The following SPATA13 variants were observed in gnomAD, a reference collection of about 807,000 sequenced individuals.
SPATA13 encodes the protein spermatogenesis associated 13.
SPATA13 carries 50 observed loss-of-function variants against 104.0 expected under a neutral mutation model. The observed-to-expected ratio is 0.48, with a 90% confidence interval of 0.38 to 0.61. SPATA13 has a LOEUF of 0.61. Among genes scored for constraint, SPATA13 ranks in the 20% least tolerant of loss-of-function variants. SPATA13 has a pLI of 0.00. For missense variants in SPATA13, 1,524 were observed against 1,690.6 expected, an observed-to-expected ratio of 0.90 and a Z score of 1.73; for synonymous variants, 606 against 667.5, an observed-to-expected ratio of 0.91 and a Z score of 1.42.
At chr13:24,096,470 G>C (rs987986978) in intron 3 of SPATA13, among the ~76,000 whole-genome samples, 2 of 152,004 alleles carry the variant, frequency 1.3e-5, no homozygotes, top group African/African-American at 4.8e-5. Flanking sequence ...GTGGTGGCAG[G>C]CACCTGTAAT....
chr13:24,283,698 T>C (rs534092665), intron 4 of SPATA13, among the ~76,000 whole-genome samples: 1 of 152,366 alleles, frequency 6.6e-6, no homozygotes, highest in East Asian at 1.9e-4. Flanking sequence ...ACTGTTGGGA[T>C]GTACTGGTTT....
chr13:24,148,247 A>C (rs969484451), intron 3 of SPATA13, among the ~76,000 whole-genome samples: 3 of 152,122 alleles, frequency 2.0e-5, no homozygotes, highest in Non-Finnish European at 4.4e-5. Context: ...TACGATCGTT[A>C]CTATTGTTAG....
chr13:24,077,262 C>CAAAAAAAAAAAAAAAAAAAAAAAAA (rs60810328), intron 3 of SPATA13, among the ~76,000 whole-genome samples: 1 of 73,038 alleles, frequency 1.4e-5, no homozygotes, highest in Non-Finnish European at 2.5e-5. Context: ...GACTCCATGT[C>CAAAAAAAAAAAAAAAAAAAAAAAAA]AAAAAAAAAA....
chr13:23,994,270 T>G (rs951727976), intron 2 of SPATA13, among the ~76,000 whole-genome samples: 1 of 152,190 alleles, frequency 6.6e-6, no homozygotes, highest in Admixed American at 6.5e-5. Flanking sequence ...AGATATTGTG[T>G]AGGGTCATGT....
intron 3 of SPATA13, among the ~76,000 whole-genome samples, chr13:24,112,649 T>C (rs1431559025): frequency 6.6e-6 from 1 of 152,054 alleles, no homozygotes; most frequent in Non-Finnish European, 1.5e-5. Flanking sequence ...ATTACAGCTG[T>C]TTGTTTGTTA....
chr13:24,070,395 A>T (rs563104698), intron 3 of SPATA13, among the ~76,000 whole-genome samples: 2 of 152,176 alleles, frequency 1.3e-5, no homozygotes, highest in South Asian at 4.2e-4. Flanking sequence ...TGGCCCCCCA[A>T]TTGAAAGGAA....
chr13:24,060,164 C>T (rs994566749), intron 3 of SPATA13, among the ~76,000 whole-genome samples: 1 of 152,202 alleles, frequency 6.6e-6, no homozygotes, highest in African/African-American at 2.4e-5. Flanking sequence ...ATCATATTAC[C>T]TGACTTAAAA....
chr13:24,293,196 C>CT (rs1455397308), intron 9 of SPATA13, among the ~76,000 whole-genome samples: 2 of 148,500 alleles, frequency 1.3e-5, no homozygotes, highest in Non-Finnish European at 3.0e-5. Context: ...ATATTTTTTT[C>CT]TTTTTCTGAT....
intron 3 of SPATA13, among the ~76,000 whole-genome samples, chr13:24,068,956 G>T (rs1566091852): frequency 6.6e-6 from 1 of 152,200 alleles, no homozygotes; most frequent in East Asian, 1.9e-4. Context: ...CATTCCGTAG[G>T]TTGTTTGTTC....
At chr13:24,242,671 A>G (rs1311948049) in intron 2 of SPATA13, among the ~76,000 whole-genome samples, 1 of 152,222 alleles carries the variant, frequency 6.6e-6, no homozygotes, top group African/African-American at 2.4e-5. Context: ...TAAGATTTGT[A>G]AGTGAATGTA....
At chr13:24,297,819 C>T in intron 11 of SPATA13, 84 bp downstream of exon 11, 1 of 1,467,954 alleles carries the variant, frequency 6.8e-7, no homozygotes, top group South Asian at 1.4e-5. Context: ...CCTGCTCTGC[C>T]CAGCCTTCTC....
chr13:24,297,436 A>G lies in SPATA13; in HGVS notation c.3284A>G (p.Lys1095Arg), dbSNP rs2138767753. 1 of 1,614,192 alleles carries G rather than the reference A, an allele frequency of 6.2e-7. No homozygotes were observed. The highest frequency in any genetic ancestry group is 8.5e-7 in the Non-Finnish European group (1 of 1,180,036). Reference protein sequence around the residue: ...GELTKITKQGKSQQRTFFLFD... With the variant: ...GELTKITKQGRSQQRTFFLFD... Reference sequence around the variant, plus strand: ...CTGACCAAAATCACTAAGCAAGGCAAAAGCCAGCAGCGGACGTTCTTCCTG... The same window carrying G: ...CTGACCAAAATCACTAAGCAAGGCAGAAGCCAGCAGCGGACGTTCTTCCTG... The change falls in exon 11 of 13, where the codon AAA (lysine) becomes AGA (arginine). Residue 1095 changes from lysine (K) to arginine (R), a missense_variant. Transcript: ENST00000382108.
At chr13:24,150,344 G>T (rs1882061705) in intron 3 of SPATA13, among the ~76,000 whole-genome samples, 1 of 152,188 alleles carries the variant, frequency 6.6e-6, no homozygotes. Context: ...GCAGCCTGCA[G>T]CCTCAGTGGC....
rs772782331 is a variant in SPATA13, at chr13:24,223,152, C to A, written c.223C>A (p.Leu75Ile). 1.9e-6 allele frequency: 3 copies of A among 1,551,640 alleles called. No individual in the cohort carries two copies. The highest frequency in any genetic ancestry group is 2.6e-6 in the Non-Finnish European group (3 of 1,147,032). ...ACTCAGCCCAGCCAAGCTTGTGCGC[C>A]TCTTTTCCACCAGTCGGAAGAGGAC... ...AKLSPAKLVR[L>I]FSTSRKRTGA... Residue 75 changes from leucine (L) to isoleucine (I), a missense_variant, in exon 2 of 13, where the codon CTC becomes ATC. Physicochemically the swap from Leu to Ile is conservative, Grantham distance 5. Transcript: ENST00000382108.
intron 3 of SPATA13, among the ~76,000 whole-genome samples, chr13:24,072,162 C>G (rs1267389304): frequency 1.3e-5 from 2 of 152,176 alleles, no homozygotes; most frequent in African/African-American, 4.8e-5. Context: ...TAAATGTGTT[C>G]TTAGAATGTA....
chr13:24,016,900 T>C (rs115253338), intron 2 of SPATA13, among the ~76,000 whole-genome samples: 1,580 of 152,376 alleles, frequency 0.01, 33 homozygotes, highest in African/African-American at 0.036. Flanking sequence ...CCCAGGCTCA[T>C]GCCCAGCCTT....
At chr13:24,243,715 C>T (rs759986090) in intron 2 of SPATA13, among the ~76,000 whole-genome samples, 1 of 152,158 alleles carries the variant, frequency 6.6e-6, no homozygotes, top group Non-Finnish European at 1.5e-5. Flanking sequence ...TTGCAGTTTT[C>T]ATTGCAGTCC....
At chr13:24,032,676 C>T (rs768654117) in intron 3 of SPATA13, among the ~76,000 whole-genome samples, 2 of 152,124 alleles carry the variant, frequency 1.3e-5, no homozygotes, top group Non-Finnish European at 2.9e-5. Flanking sequence ...ATCCAGGGCA[C>T]GAGCAGAATA....
At chr13:24,186,177 C>T (rs890375379) in intron 1 of SPATA13, among the ~76,000 whole-genome samples, 18 of 152,098 alleles carry the variant, frequency 1.2e-4, no homozygotes, top group African/African-American at 4.3e-4. Context: ...ATCACAACTA[C>T]CAGTGAGGAA....
Sources: allele counts gnomAD v4.1 joint callset (sites outside exome capture counted in the v4.1 genomes callset), GRCh38; gene constraint gnomAD v4.1.1; transcripts MANE v1.5; gene names NCBI Gene and HGNC (gene_info 2026-07-23, HGNC 2026-07-21).